Variants in WTIP observed in about 807,000 individuals in gnomAD.
The protein encoded by WTIP is Wilms tumor protein 1-interacting protein.
Under a neutral mutation model 41.7 loss-of-function variants are expected in WTIP, and 23 were observed. That is an observed-to-expected ratio of 0.55 (90% CI 0.40 to 0.78). WTIP has a LOEUF of 0.78. Ranked by LOEUF, WTIP falls within the 30% of genes least tolerant of loss-of-function variation. The probability of loss-of-function intolerance (pLI) is 0.00; values close to 1 mark genes in which losing one functional copy is unlikely to be tolerated. For synonymous variants in WTIP, 314 were observed against 269.9 expected (o/e 1.16, Z -1.60); for missense variants, 619 against 610.5 (o/e 1.01, Z -0.15).
At position 34,509,823 on chromosome 19, in the gene WTIP, T is replaced by A. The variant is rs2075926615; in HGVS notation, c.*9554T>A. On this transcript the variant is annotated 3_prime_UTR_variant, in exon 8 of 8. Coordinates refer to ENST00000590071, the MANE Select transcript of WTIP (RefSeq NM_001080436.2). Reference sequence around the variant, plus strand: ...GAGAAATTGGCCAAAACAAAGGGGTTACAGGACCCATGCAAGTCCAAAATC... The same window carrying A: ...GAGAAATTGGCCAAAACAAAGGGGTAACAGGACCCATGCAAGTCCAAAATC... The A allele has an allele frequency of 6.6e-6, 1 of 152,158 alleles. No homozygotes were observed. Among genetic ancestry groups the A allele is most frequent in the African/African-American group, 2.4e-5 (1 of 41,444 alleles). The allele number at this position is 152,158 out of a possible 1,614,324, so 9.4% of individuals were successfully genotyped here. A position where few individuals can be genotyped will look rare whatever the true frequency, so the allele number is the denominator to read the frequency against.
Position 34,510,656 on chromosome 19 carries a change from A to G in WTIP, c.*10387A>G, listed in dbSNP as rs1024621433. The G allele has an allele frequency of 3.9e-5, 6 of 152,220 alleles. No homozygotes were observed. In the East Asian group the frequency reaches 1.2e-3, roughly 29 times the overall value. The allele number at this position is 152,220 out of a possible 1,614,324, so 9.4% of individuals were successfully genotyped here. Reference sequence around the variant, plus strand: ...TTCTTTACTGCATCGTCAGGCTGCAAATTTTCCAATTTTTTATGCTCTGTT... The same window carrying G: ...TTCTTTACTGCATCGTCAGGCTGCAGATTTTCCAATTTTTTATGCTCTGTT... On this transcript the variant is annotated 3_prime_UTR_variant, in exon 8 of 8. Coordinates refer to ENST00000590071, the MANE Select transcript of WTIP (RefSeq NM_001080436.2).
rs373417122 is a variant in WTIP at position 34,493,689 on chromosome 19, T to C, written c.1031+67T>C. On this transcript the variant is annotated intron_variant, in intron 5 of 7. Transcript: ENST00000590071. The surrounding 1 kb of genome is among the most constrained non-coding windows in gnomAD (Gnocchi z 4.1). ...CCTCCCTGGCTCCTCTGGAAGCATTTTTTTCCTGCTGGACTGACTGCCCTT... is the reference window on the plus strand; with the variant it reads ...CCTCCCTGGCTCCTCTGGAAGCATTCTTTTCCTGCTGGACTGACTGCCCTT... 6.2e-7 allele frequency: 1 copy of C among 1,601,562 alleles called. No homozygotes were observed. Among genetic ancestry groups the C allele is most frequent in the African/African-American group, 1.3e-5 (1 of 74,896 alleles).
chr19:34,494,465 C>T, intron 5 of WTIP, 121 bp from the exon 6 acceptor site: 1 of 911,758 alleles, frequency 1.1e-6, no homozygotes, highest in Non-Finnish European at 1.8e-6. Context: ...GAGGTGTGCA[C>T]ACAGGGAGAG....
chr19:34,481,891 T>G lies in WTIP; in HGVS notation c.-84T>G. ...GGGGTCCCGGGGCGGGCTCCGGGCT[T>G]CGGGCGGACGATGCGGCGGCCCGGC... On this transcript the variant is annotated 5_prime_UTR_variant, in exon 1 of 8. Transcript: ENST00000590071. The G allele has an allele frequency of 2.3e-6, 2 of 858,260 alleles. No homozygotes were observed. The highest frequency in any genetic ancestry group is 2.8e-6 in the Non-Finnish European group (2 of 716,180). 53.2% of individuals were successfully genotyped at this position (858,260 alleles called of 1,614,324 possible).
intron 1 of WTIP, among the ~76,000 whole-genome samples, chr19:34,489,401 TG>T (rs2075814417): frequency 6.6e-6 from 1 of 151,830 alleles, no homozygotes. Context: ...AGAGAATAAG[TG>T]GACCCTGGCA....
At chr19:34,489,197 TAAAA>T (rs57433723) in intron 1 of WTIP, among the ~76,000 whole-genome samples, 6 of 61,976 alleles carry the variant, frequency 9.7e-5, no homozygotes, top group Admixed American at 5.8e-4. Context: ...AGACTCTATC[TAAAA>T]AAAAAAAAAA....
In WTIP at chr19:34,500,805, G is replaced by T; in HGVS notation, c.*536G>T. ...TTTAGGCGGGGTCCCAGGAGGGGGTGAGGGGTGACACCCTTGGGGAGGGGG... is the reference window on the plus strand; with the variant it reads ...TTTAGGCGGGGTCCCAGGAGGGGGTTAGGGGTGACACCCTTGGGGAGGGGG... On this transcript the variant is annotated 3_prime_UTR_variant, in exon 8 of 8. Transcript: ENST00000590071. 6.5e-6 allele frequency: 1 copy of T among 153,480 alleles called. No homozygotes were observed. Among genetic ancestry groups the T allele is most frequent in the Middle Eastern group, 3.4e-3 (1 of 296 alleles). The allele number at this position is 153,480 out of a possible 1,614,324, so 9.5% of individuals were successfully genotyped here.
At position 34,500,226 on chromosome 19, in the gene WTIP, C is replaced by G. The variant is rs1335161139; in HGVS notation, c.1250C>G (p.Pro417Arg). Reference sequence around the variant, plus strand: ...CGTTGCCACCTGCGGCGCCTCCAACCTGGGCCTCTTCCCTCACCCACTGTG... The same window carrying G: ...CGTTGCCACCTGCGGCGCCTCCAACGTGGGCCTCTTCCCTCACCCACTGTG... ...CRRCHLRRLQ[P>R]GPLPSPTVHV... Residue 417 changes from proline to arginine, a missense_variant, in exon 8 of 8, where the codon CCT becomes CGT. This residue lies in a region of WTIP where 92 missense variants were observed against 82.4 expected (regional missense o/e 1.12). Coordinates refer to ENST00000590071, the MANE Select transcript of WTIP (RefSeq NM_001080436.2). The G allele has an allele frequency of 2.5e-6, 4 of 1,608,128 alleles. No homozygotes were observed. The Admixed American group carries it at 6.7e-5, about 27-fold the overall frequency.
chr19:34,482,734 G>A, intron 1 of WTIP, 93 bp downstream of exon 1: 1 of 1,202,900 alleles, frequency 8.3e-7, no homozygotes, highest in Non-Finnish European at 1.0e-6. Flanking sequence ...CAGCGGAGGA[G>A]AGCACGGGGC....
intron 1 of WTIP, among the ~76,000 whole-genome samples, chr19:34,486,536 A>T (rs1419490893): frequency 1.3e-5 from 2 of 151,666 alleles, no homozygotes; most frequent in Non-Finnish European, 2.9e-5. Flanking sequence ...CCTGGCTAAT[A>T]TTTTGTATTT....
chr19:34,494,571 CCTTT>C lies in WTIP; in HGVS notation c.1032-14_1032-11del, dbSNP rs1568400731. The C allele has an allele frequency of 1.9e-6, 3 of 1,613,034 alleles. No homozygotes were observed. The highest frequency in any genetic ancestry group is 2.7e-5 in the African/African-American group (2 of 74,860). ...TCACTCAGCTGATCACTTCTGGTTTCCTTTATTTCTCTAGGGTTTTTGCACCAAA... is the reference window on the plus strand; with the variant it reads ...TCACTCAGCTGATCACTTCTGGTTTCATTTCTCTAGGGTTTTTGCACCAAA... On this transcript the variant is annotated splice_polypyrimidine_tract_variant and intron_variant, in intron 5 of 7. Coordinates refer to ENST00000590071, the MANE Select transcript of WTIP (RefSeq NM_001080436.2).
chr19:34,496,328 A>G (rs117062300), intron 7 of WTIP, among the ~76,000 whole-genome samples: 2,821 of 152,210 alleles, frequency 0.019, 42 homozygotes, highest in South Asian at 0.029. Context: ...GCGCCGCCAC[A>G]TTCAGCTAAT....
Position 34,493,672 on chromosome 19 carries a change from GC to G in WTIP, c.1031+51del. The G allele has an allele frequency of 6.2e-7, 1 of 1,608,364 alleles. No homozygotes were observed. Among genetic ancestry groups the G allele is most frequent in the Non-Finnish European group, 8.5e-7 (1 of 1,177,072 alleles). On this transcript the variant is annotated intron_variant, in intron 5 of 7. Transcript: ENST00000590071. The surrounding 1 kb of genome is among the most constrained non-coding windows in gnomAD (Gnocchi z 4.1). ...GGCGGGACTCGGGCCGTCCTCCCTG[GC>G]TCCTCTGGAAGCATTTTTTTCCTGC...
Position 34,482,185 on chromosome 19 carries a change from CG to C in WTIP, c.215del (p.Gly72ValfsTer229). The C allele has an allele frequency of 2.7e-6, 3 of 1,100,054 alleles. No homozygotes were observed. The highest frequency in any genetic ancestry group is 3.3e-6 in the Non-Finnish European group (3 of 906,234). The allele number at this position is 1,100,054 out of a possible 1,614,324, so 68.1% of individuals were successfully genotyped here. ...GGCGGACGGACTGAGCCGCGGGGAG[CG>C]GGGTCCCCGGCGCGCGGCGGTTCCG... ...AGADGLSRGE[R>X]GPRRAAVPEL... On this transcript the variant is annotated frameshift_variant, in exon 1 of 8. Coordinates refer to ENST00000590071, the MANE Select transcript of WTIP (RefSeq NM_001080436.2). LOFTEE classifies it high-confidence loss of function.
At chr19:34,490,079 T>C (rs1037417887) in intron 1 of WTIP, among the ~76,000 whole-genome samples, 4 of 152,216 alleles carry the variant, frequency 2.6e-5, no homozygotes, top group Admixed American at 1.3e-4. Context: ...TCCCTATTTA[T>C]AAATCAAAAA....
At chr19:34,488,413 C>T (rs766855750) in intron 1 of WTIP, among the ~76,000 whole-genome samples, 30 of 151,152 alleles carry the variant, frequency 2.0e-4, no homozygotes, top group South Asian at 2.1e-4. Context: ...TTACCCAGGC[C>T]GGAGTGCAGT....
rs939509645 is a variant in WTIP, at chr19:34,508,906, A to G, written c.*8637A>G. The stretch of plus-strand genomic sequence containing the variant: ...TTTCAAAAAAGTAAGTATGACTCCC[A>G]CATGAAAATTTTCTTCTACAACACG... On this transcript the variant is annotated 3_prime_UTR_variant, in exon 8 of 8. Coordinates refer to ENST00000590071, the MANE Select transcript of WTIP (RefSeq NM_001080436.2). 6.6e-6 allele frequency: 1 copy of G among 152,256 alleles called. No homozygotes were observed. The highest frequency in any genetic ancestry group is 1.5e-5 in the Non-Finnish European group (1 of 68,044). The allele number at this position is 152,256 out of a possible 1,614,324, so 9.4% of individuals were successfully genotyped here.
intron 1 of WTIP, among the ~76,000 whole-genome samples, chr19:34,486,849 G>A (rs560113102): frequency 3.3e-5 from 5 of 152,200 alleles, no homozygotes; most frequent in Admixed American, 6.5e-5. Context: ...CGTCTGAGAG[G>A]ACAAGGGTCC....
Position 34,501,545 on chromosome 19 carries a change from A to G in WTIP, c.*1276A>G, listed in dbSNP as rs779211903. 149 of 152,390 alleles carry G rather than the reference A, an allele frequency of 9.8e-4. 2 individuals are homozygous for G. Among genetic ancestry groups the G allele is most frequent in the Middle Eastern group, 6.8e-3 (2 of 294 alleles). 9.4% of individuals were successfully genotyped at this position (152,390 alleles called of 1,614,324 possible). ...CTCGCCCCTGGGAGAGCCTGGACCC[A>G]CCTCTTGGCTGCTGCTCTCCCCTTC... is the stretch of plus-strand genomic sequence containing the variant. On this transcript the variant is annotated 3_prime_UTR_variant, in exon 8 of 8. Transcript: ENST00000590071.
Sources: gnomAD v4.1 joint callset for allele counts (sites outside exome capture counted in the v4.1 genomes callset) on GRCh38, gnomAD v4.1.1 for gene constraint, gnomAD v4.1.1 regional missense constraint, Gnocchi (gnomAD v3.1) non-coding constraint, MANE v1.5 for transcripts, NCBI Gene and HGNC (gene_info 2026-07-23, HGNC 2026-07-21) for gene names.